RPSA: variants seen among roughly 807,000 people sequenced by gnomAD.
The protein encoded by RPSA is small ribosomal subunit protein uS2.
For missense variants in RPSA, 140 were observed against 372.8 expected (o/e 0.38, Z 5.14); for synonymous variants, 103 against 126.7 (o/e 0.81, Z 1.25).
At chr3:39,410,726 G>A (rs745577585) in intron 3 of RPSA, 28 bp from the exon 4 acceptor site, 11 of 1,613,700 alleles carry the variant, frequency 6.8e-6, no homozygotes, top group Non-Finnish European at 8.5e-7. Flanking sequence ...GGAATATCGA[G>A]TACCACTAAC....
chr3:39,408,107 G>A (rs550141407), intron 2 of RPSA: 2 of 377,108 alleles, frequency 5.3e-6, no homozygotes, highest in East Asian at 1.3e-4. Flanking sequence ...ACTGAATTTT[G>A]AGTGGAAAGT....
At position 39,406,782 on chromosome 3, in the gene RPSA, T is replaced by C. The variant is rs2041922606; in HGVS notation, c.-34+18T>C. The C allele has an allele frequency of 4.5e-6, 2 of 445,588 alleles. No individual in the cohort carries two copies. The highest frequency in any genetic ancestry group is 4.0e-5 in the African/African-American group (2 of 49,750). The allele number at this position is 445,588 out of a possible 1,614,324, so 27.6% of individuals were successfully genotyped here. A position where few individuals can be genotyped will look rare whatever the true frequency, so the allele number is the denominator to read the frequency against. On this transcript the variant is annotated intron_variant, in intron 1 of 6. Coordinates refer to ENST00000301821, the MANE Select transcript of RPSA (RefSeq NM_002295.6). ...TGTTCTGGGTGAGTTCCGTGTAGCGTCCCTGGCGCCTTCCAGGGCTAGAAA... is the reference window on the plus strand; with the variant it reads ...TGTTCTGGGTGAGTTCCGTGTAGCGCCCCTGGCGCCTTCCAGGGCTAGAAA...
At position 39,411,331 on chromosome 3, in the gene RPSA, T is replaced by A. The variant is rs911919763; in HGVS notation, c.499-318T>A. On this transcript the variant is annotated intron_variant, in intron 4 of 6. Coordinates refer to ENST00000301821, the MANE Select transcript of RPSA (RefSeq NM_002295.6). ...CTTGGCCTTTGTTTTCACACCAACTTGATGGGTTCTACTATAAGATGCTAA... is the reference window on the plus strand; with the variant it reads ...CTTGGCCTTTGTTTTCACACCAACTAGATGGGTTCTACTATAAGATGCTAA... 5.0e-6 allele frequency: 3 copies of A among 606,032 alleles called. No homozygotes were observed. In the African/African-American group the frequency reaches 5.5e-5, roughly 11 times the overall value. The allele number at this position is 606,032 out of a possible 1,614,324, so 37.5% of individuals were successfully genotyped here.
At chr3:39,406,938 G>C (rs2041925752) in intron 1 of RPSA, 174 bp downstream of exon 1, 1 of 452,992 alleles carries the variant, frequency 2.2e-6, no homozygotes, top group Non-Finnish European at 4.4e-6. Context: ...CGGGCTGGCG[G>C]GTTCCCAGAG....
chr3:39,407,930 A>C, intron 2 of RPSA, 144 bp downstream of exon 2: 1 of 638,318 alleles, frequency 1.6e-6, no homozygotes, highest in Non-Finnish European at 2.7e-6. Flanking sequence ...CTTTAAATAA[A>C]TGTTCTTGTT....
At chr3:39,412,186 A>G (rs997283209) in intron 6 of RPSA, 88 bp from the exon 7 acceptor site, 12 of 1,322,354 alleles carry the variant, frequency 9.1e-6, no homozygotes, top group Non-Finnish European at 1.1e-5. Flanking sequence ...GTGCTACAGC[A>G]TCTGATAGAC....
chr3:39,408,870 C>T (rs1054546145), intron 3 of RPSA, 146 bp downstream of exon 3: 21 of 605,898 alleles, frequency 3.5e-5, no homozygotes, highest in South Asian at 2.0e-4. Flanking sequence ...AGGTGGAGTC[C>T]GGCGTATTAC....
At chr3:39,411,106 GC>G (rs770567492) in intron 4 of RPSA, 107 bp downstream of exon 4, 1 of 1,395,402 alleles carries the variant, frequency 7.2e-7, no homozygotes, top group Non-Finnish European at 1.0e-6. Context: ...CGATGAACTC[GC>G]AAGTGTAGGT....
chr3:39,409,225 C>T (rs1471034244), intron 3 of RPSA, among the ~76,000 whole-genome samples: 9 of 92,618 alleles, frequency 9.7e-5, no homozygotes, highest in Non-Finnish European at 1.5e-4. Flanking sequence ...GACAGTCTCT[C>T]GCTCTGTTGC....
intron 4 of RPSA, 131 bp from the exon 5 acceptor site, chr3:39,411,518 C>T: frequency 1.1e-6 from 1 of 911,244 alleles, no homozygotes; most frequent in Non-Finnish European, 1.7e-6. Flanking sequence ...TTATAATGCT[C>T]CCTGTTACAA....
chr3:39,408,448 C>T (rs777909736), intron 2 of RPSA, 158 bp from the exon 3 acceptor site: 24 of 773,436 alleles, frequency 3.1e-5, no homozygotes, highest in African/African-American at 2.9e-4. Flanking sequence ...TTCTGAGTGT[C>T]GGAAGTGTGC....
intron 3 of RPSA, chr3:39,408,955 G>C (rs1296766758): frequency 2.2e-6 from 1 of 449,916 alleles, no homozygotes; most frequent in Non-Finnish European, 4.1e-6. Flanking sequence ...GCGTGGGGGC[G>C]GGTGCCTGTA....
intron 3 of RPSA, 61 bp downstream of exon 3, chr3:39,408,785 C>T (rs755364418): frequency 4.2e-6 from 4 of 949,478 alleles, no homozygotes; most frequent in South Asian, 3.9e-5. Context: ...CATTGTGAGA[C>T]ATAGAAAGAC....
chr3:39,409,841 A>C lies in RPSA; in HGVS notation c.253-913A>C, dbSNP rs11921564. On this transcript the variant is annotated intron_variant, in intron 3 of 6. Transcript: ENST00000301821. ...CAGAGTGAGATCCTGTTTCTTAAAA[A>C]AGCCAGTCATGGGTGGCTCATGCTT... is the stretch of plus-strand genomic sequence containing the variant. Among the ~76,000 whole-genome samples, 811 of 151,996 alleles carry C rather than the reference A, an allele frequency of 5.3e-3. 13 individuals carry two copies. Among genetic ancestry groups the C allele is most frequent in the African/African-American group, 0.017 (720 of 41,498 alleles).
intron 6 of RPSA, 74 bp downstream of exon 6, chr3:39,412,135 C>T (rs2042014634): frequency 1.4e-6 from 2 of 1,461,746 alleles, no homozygotes; most frequent in African/African-American, 2.8e-5. Flanking sequence ...TTAATGATCT[C>T]TGTGACTTTT....
At chr3:39,409,242 T>C (rs73060246) in intron 3 of RPSA, among the ~76,000 whole-genome samples, 38,912 of 112,188 alleles carry the variant, frequency 0.35, 5,861 homozygotes, top group East Asian at 0.46. Context: ...TTGCCTGTTG[T>C]CCATCCTGGA....
chr3:39,409,009 C>T (rs914760884), intron 3 of RPSA: 19 of 329,774 alleles, frequency 5.8e-5, no homozygotes, highest in African/African-American at 3.6e-4. Context: ...GGCGTGAACC[C>T]GGTGGGCGGA....
intron 2 of RPSA, 194 bp downstream of exon 2, chr3:39,407,980 C>T: frequency 1.8e-6 from 1 of 558,724 alleles, no homozygotes. Flanking sequence ...AGGAATATGT[C>T]AGTTGTCTGA....
At chr3:39,409,326 C>T (rs897772290) in intron 3 of RPSA, among the ~76,000 whole-genome samples, 11 of 151,678 alleles carry the variant, frequency 7.3e-5, no homozygotes, top group African/African-American at 1.2e-4. Flanking sequence ...CTCATCCTCC[C>T]GAGTAGCTGG....
Sources: allele counts gnomAD v4.1 joint callset (sites outside exome capture counted in the v4.1 genomes callset), GRCh38; gene constraint gnomAD v4.1.1; transcripts MANE v1.5; gene names NCBI Gene and HGNC (gene_info 2026-07-23, HGNC 2026-07-21).